ERAP1: variants seen among roughly 807,000 people sequenced by gnomAD.
The protein encoded by ERAP1 is adipocyte-derived leucine aminopeptidase.
ERAP1 carries 86 observed loss-of-function variants against 103.7 expected under a neutral mutation model. The ratio of observed to expected loss-of-function variants is 0.83; its 90% CI spans 0.70 to 0.99. ERAP1 has a LOEUF of 0.99. Among genes scored for constraint, ERAP1 ranks in the 50% least tolerant of loss-of-function variants. ERAP1 has a pLI of 0.00. For synonymous variants in ERAP1, 398 were observed against 402.4 expected, an observed-to-expected ratio of 0.99 and a Z score of 0.13; for missense variants, 1,009 against 1,128.4, an observed-to-expected ratio of 0.89 and a Z score of 1.52.
chr5:96,879,686 A>G, the ERAP1 span: 3 of 1,611,448 alleles, frequency 1.9e-6, no homozygotes, highest in South Asian at 2.2e-5. Flanking sequence ...AATAGATTTC[A>G]TGTTCCATTC....
the ERAP1 span, among the ~76,000 whole-genome samples, chr5:96,856,365 T>TATATATATATATATATATATATAG: frequency 3.4e-4 from 7 of 20,386 alleles, no homozygotes; most frequent in East Asian, 5.6e-4. Flanking sequence ...TATATATATA[T>TATATATATATATATATATATATAG]AGAGAGAGAG....
At chr5:96,810,399 C>G (rs555325086), upstream of ERAP1, among the ~76,000 whole-genome samples, 11 of 152,306 alleles carry the variant, frequency 7.2e-5, no homozygotes, top group African/African-American at 2.6e-4. Flanking sequence ...CTGTTAAATG[C>G]TAGCTATGTG....
the ERAP1 span, among the ~76,000 whole-genome samples, chr5:96,922,594 G>A: frequency 2.0e-5 from 3 of 152,334 alleles, no homozygotes; most frequent in East Asian, 1.9e-4. Flanking sequence ...AGAGACTTGA[G>A]CTAATAGGAA....
At chr5:96,879,790 T>G in the ERAP1 span, 10 of 1,614,238 alleles carry the variant, frequency 6.2e-6, no homozygotes, top group East Asian at 2.2e-5. Flanking sequence ...TATGCATTTG[T>G]TCTCAGTTCT....
chr5:96,817,812 G>A, the ERAP1 span, among the ~76,000 whole-genome samples: 1 of 152,146 alleles, frequency 6.6e-6, no homozygotes, highest in Non-Finnish European at 1.5e-5. Flanking sequence ...TCTCCCTACC[G>A]AACTCAATTC....
chr5:96,793,635 TAAA>T, intron 6 of ERAP1, 122 bp from the exon 7 acceptor site: 1 of 1,098,872 alleles, frequency 9.1e-7, no homozygotes, highest in Non-Finnish European at 1.3e-6. Context: ...AAGGTAAAAA[TAAA>T]AAAAGTTCAA....
At chr5:96,927,542 A>G in the ERAP1 span, among the ~76,000 whole-genome samples, 1 of 152,002 alleles carries the variant, frequency 6.6e-6, no homozygotes, top group African/African-American at 2.4e-5. Flanking sequence ...GCTGGAGTGC[A>G]GTGGCGCAAT....
chr5:96,766,263 G>A (rs1581404549), intron 19 of ERAP1: 2 of 613,524 alleles, frequency 3.3e-6, no homozygotes, highest in African/African-American at 3.7e-5. Context: ...TACCATGACT[G>A]ACTGCTTCTA....
chr5:96,803,303 G>A, intron 2 of ERAP1, 100 bp downstream of exon 2: 16 of 1,307,312 alleles, frequency 1.2e-5, no homozygotes, highest in Non-Finnish European at 1.6e-5. Flanking sequence ...TGAAGAAAAA[G>A]TTCAACAGCA....
chr5:96,816,501 C>T, the ERAP1 span, among the ~76,000 whole-genome samples: 5 of 152,166 alleles, frequency 3.3e-5, no homozygotes, highest in South Asian at 2.1e-4. Context: ...TCAGCAGGGA[C>T]GGTCTCAACT....
At chr5:96,862,792 G>A in the ERAP1 span, among the ~76,000 whole-genome samples, 7 of 152,106 alleles carry the variant, frequency 4.6e-5, no homozygotes, top group African/African-American at 1.7e-4. Flanking sequence ...AGGCAATTGA[G>A]AGATTAAGGA....
rs1186437980 is a variant in ERAP1, at chr5:96,774,940, T to TATC, written c.*1453_*1455dup. 8.1e-6 allele frequency: 8 copies of TATC among 984,514 alleles called. No individual in the cohort carries two copies. Among genetic ancestry groups the TATC allele is most frequent in the Admixed American group, 6.2e-5 (1 of 16,118 alleles). 61.0% of individuals were successfully genotyped at this position (984,514 alleles called of 1,614,324 possible). A position where few individuals can be genotyped will look rare whatever the true frequency, so the allele number is the denominator to read the frequency against. On this transcript the variant is annotated 3_prime_UTR_variant, in exon 19 of 19. Transcript: ENST00000443439. Reference sequence around the variant, plus strand: ...GTACCAATCATCAATCATATTCCCTTATCTTGAAGTTTTTGCCTTATATTC... The same window carrying TATC: ...GTACCAATCATCAATCATATTCCCTTATCATCTTGAAGTTTTTGCCTTATATTC...
chr5:96,886,845 A>G, the ERAP1 span: 1 of 1,330,112 alleles, frequency 7.5e-7, no homozygotes, highest in Non-Finnish European at 9.7e-7. Flanking sequence ...GAGAGCAATG[A>G]ACTTTTGTTT....
chr5:96,822,412 C>A, the ERAP1 span, among the ~76,000 whole-genome samples: 1 of 152,112 alleles, frequency 6.6e-6, no homozygotes, highest in Non-Finnish European at 1.5e-5. Flanking sequence ...AAAGCAGAAT[C>A]AAAAACATTG....
chr5:96,935,233 G>T, the ERAP1 span: 4 of 152,134 alleles, frequency 2.6e-5, 1 homozygote, highest in Non-Finnish European at 5.9e-5. Flanking sequence ...CGGCGCCCGC[G>T]ACCCGGGCCG....
At chr5:96,884,742 G>T in the ERAP1 span, among the ~76,000 whole-genome samples, 1 of 151,608 alleles carries the variant, frequency 6.6e-6, no homozygotes. Flanking sequence ...TGTATTTTCA[G>T]TAGAGACGGG....
chr5:96,762,190 C>A, exon 20 of ERAP1: 1 of 734,034 alleles, frequency 1.4e-6, no homozygotes, highest in Non-Finnish European at 2.2e-6. Context: ...ATTAAGCTAT[C>A]TTTAAGAGTT....
chr5:96,818,893 C>CATTCATTT, the ERAP1 span, among the ~76,000 whole-genome samples: 2 of 141,762 alleles, frequency 1.4e-5, no homozygotes, highest in African/African-American at 2.6e-5. Context: ...ACCTGAACTG[C>CATTCATTT]ATTTATTTAT....
intron 3 of ERAP1, 43 bp downstream of exon 3, chr5:96,800,819 C>G (rs1191399748): frequency 1.2e-6 from 2 of 1,609,710 alleles, no homozygotes; most frequent in Non-Finnish European, 1.7e-6. Flanking sequence ...CACAGAGAAT[C>G]AGTAGATTTT....
Sources: allele counts gnomAD v4.1 joint callset (sites outside exome capture counted in the v4.1 genomes callset), GRCh38; gene constraint gnomAD v4.1.1; transcripts MANE v1.5; gene names NCBI Gene and HGNC (gene_info 2026-07-23, HGNC 2026-07-21).